Variants in FAT3 observed in about 807,000 individuals in gnomAD.
FAT3 encodes the protein protocadherin Fat 3.
Under a neutral mutation model 310.2 loss-of-function variants are expected in FAT3, and 95 were observed. That is an observed-to-expected ratio of 0.31 (90% CI 0.26 to 0.36). FAT3 has a LOEUF of 0.36. Ranked by LOEUF, FAT3 falls within the 10% of genes least tolerant of loss-of-function variation. The probability of loss-of-function intolerance (pLI) is 1.00; values close to 1 mark genes in which losing one functional copy is unlikely to be tolerated. For missense variants in FAT3, 5,408 were observed against 5,715.6 expected (o/e 0.95, Z 1.74); for synonymous variants, 2,314 against 2,192.9 (o/e 1.06, Z -1.54).
chr11:92,799,589 A>G lies in FAT3; in HGVS notation c.6576A>G (p.Thr2192=), dbSNP rs1380986661. 6.2e-7 allele frequency: 1 copy of G among 1,613,744 alleles called. No individual in the cohort carries two copies. Among genetic ancestry groups the G allele is most frequent in the East Asian group, 2.2e-5 (1 of 44,870 alleles). ...CTGTGTTTGATAAGCCCTTTTATAC[A>G]GCATCTGTCAATGAAGACATCAGAA... ...AMPVFDKPFY[T]ASVNEDIRMN... Residue 2192 remains threonine (T), a synonymous_variant, in exon 10 of 28, where the codon ACA becomes ACG. Transcript: ENST00000525166.
chr11:92,696,080 G>A (rs1943930554), intron 3 of FAT3, among the ~76,000 whole-genome samples: 1 of 151,636 alleles, frequency 6.6e-6, no homozygotes, highest in Non-Finnish European at 1.5e-5. Flanking sequence ...CACATGGTAT[G>A]CTTGAATCAT....
intron 3 of FAT3, among the ~76,000 whole-genome samples, chr11:92,551,422 G>T (rs1954816637): frequency 6.9e-6 from 1 of 144,816 alleles, no homozygotes; most frequent in South Asian, 2.3e-4. Flanking sequence ...TTTTGTGTGT[G>T]TGTGTGTGTG....
chr11:92,729,065 A>C (rs1332985667), intron 4 of FAT3, among the ~76,000 whole-genome samples: 1 of 152,208 alleles, frequency 6.6e-6, no homozygotes, highest in African/African-American at 2.4e-5. Flanking sequence ...ATCACAATTC[A>C]CAGAAAGGGG....
At position 92,353,671 on chromosome 11, in the gene FAT3, TC is replaced by T; in HGVS notation, c.1560del (p.Ile521LeufsTer44). 6.2e-7 allele frequency: 1 copy of T among 1,613,954 alleles called. No individual in the cohort carries two copies. The highest frequency in any genetic ancestry group is 8.5e-7 in the Non-Finnish European group (1 of 1,179,874). On this transcript the variant is annotated frameshift_variant, in exon 2 of 28. Coordinates refer to ENST00000525166, the MANE Select transcript of FAT3 (RefSeq NM_001367949.2). LOFTEE classifies it high-confidence loss of function. ...SIASLNLLPF[V>X]INQFTGVIST... ...GCTAGCCTGAATTTGTTACCATTTG[TC>T]ATTAATCAGTTTACAGGTGTTATTA...
intron 2 of FAT3, among the ~76,000 whole-genome samples, chr11:92,467,707 A>G (rs1951802050): frequency 6.6e-6 from 1 of 152,138 alleles, no homozygotes; most frequent in African/African-American, 2.4e-5. Flanking sequence ...TTACTTGATG[A>G]TGGGTGTTGC....
chr11:92,280,200 T>C (rs1316940995), intron 1 of FAT3, among the ~76,000 whole-genome samples: 1 of 152,138 alleles, frequency 6.6e-6, no homozygotes, highest in Non-Finnish European at 1.5e-5. Flanking sequence ...TGAGCTGAGG[T>C]ACTTTGACTC....
At chr11:92,279,245 G>A (rs1677741210) in intron 1 of FAT3, among the ~76,000 whole-genome samples, 1 of 152,108 alleles carries the variant, frequency 6.6e-6, no homozygotes, top group African/African-American at 2.4e-5. Flanking sequence ...ATCAACCCCA[G>A]TGTGTGGCTC....
intron 7 of FAT3, among the ~76,000 whole-genome samples, chr11:92,789,505 C>T (rs1480082703): frequency 6.6e-6 from 1 of 152,144 alleles, no homozygotes; most frequent in Non-Finnish European, 1.5e-5. Flanking sequence ...TCTGAGTCCA[C>T]CTCATTGGCT....
chr11:92,411,742 A>G (rs528327942), intron 2 of FAT3, among the ~76,000 whole-genome samples: 5 of 151,830 alleles, frequency 3.3e-5, no homozygotes, highest in Admixed American at 1.3e-4. Flanking sequence ...TCTTACAATG[A>G]AAGATTTATT....
At chr11:92,432,782 C>G (rs564957168) in intron 2 of FAT3, among the ~76,000 whole-genome samples, 1 of 152,282 alleles carries the variant, frequency 6.6e-6, no homozygotes, top group South Asian at 2.1e-4. Flanking sequence ...ATCTGCTGCC[C>G]TCTTCAGAGC....
intron 1 of FAT3, among the ~76,000 whole-genome samples, chr11:92,341,655 G>C (rs922907275): frequency 6.6e-6 from 1 of 152,110 alleles, no homozygotes; most frequent in East Asian, 1.9e-4. Context: ...CCTATTTCCA[G>C]ATAAGCTTCT....
At chr11:92,493,635 AGTGTGT>A (rs1022222009) in intron 2 of FAT3, among the ~76,000 whole-genome samples, 1 of 152,068 alleles carries the variant, frequency 6.6e-6, no homozygotes, top group Non-Finnish European at 1.5e-5. Context: ...TAATACTTAC[AGTGTGT>A]GTCCCCAGCA....
chr11:92,807,399 T>G (rs766254294), intron 12 of FAT3, among the ~76,000 whole-genome samples: 3 of 152,180 alleles, frequency 2.0e-5, no homozygotes, highest in Non-Finnish European at 4.4e-5. Flanking sequence ...TAGGGACATA[T>G]CCAAATATGG....
chr11:92,875,239 C>G lies in FAT3; in HGVS notation c.12128-5492C>G, dbSNP rs914927695. On this transcript the variant is annotated intron_variant, in intron 22 of 27. Coordinates refer to ENST00000525166, the MANE Select transcript of FAT3 (RefSeq NM_001367949.2). Reference sequence around the variant, plus strand: ...TCATTGTGTTAACATAAAACTCCTCCGAATTTAAAGTTCTAAAAGCAAGAC... The same window carrying G: ...TCATTGTGTTAACATAAAACTCCTCGGAATTTAAAGTTCTAAAAGCAAGAC... Among the ~76,000 whole-genome samples, 21 of 147,762 alleles carry G rather than the reference C, an allele frequency of 1.4e-4. 1 individual carries two copies. Among genetic ancestry groups the G allele is most frequent in the African/African-American group, 4.0e-4 (16 of 40,124 alleles).
In FAT3 at chr11:92,892,291, G is replaced by A. The variant is rs7932490; in HGVS notation, c.*1178G>A. ...AATGGACCATGTTGAAAATTCTGCC[G>A]GCGAGCATGGCATACCTTTCAATTT... On this transcript the variant is annotated 3_prime_UTR_variant, in exon 28 of 28. Transcript: ENST00000525166. 42,143 of 152,070 alleles carry A rather than the reference G, an allele frequency of 0.28. 6,323 individuals are homozygous for A. Among genetic ancestry groups the A allele is most frequent in the South Asian group, 0.38 (1,830 of 4,822 alleles). 9.4% of individuals were successfully genotyped at this position (152,070 alleles called of 1,614,324 possible).
intron 3 of FAT3, among the ~76,000 whole-genome samples, chr11:92,586,372 A>G (rs371670606): frequency 2.6e-4 from 40 of 152,088 alleles, no homozygotes; most frequent in African/African-American, 9.6e-4. Context: ...GTCAAAGAGG[A>G]CTGAAGACTG....
chr11:92,357,809 G>T (rs761900099), intron 2 of FAT3, among the ~76,000 whole-genome samples: 1 of 151,832 alleles, frequency 6.6e-6, no homozygotes, highest in Non-Finnish European at 1.5e-5. Flanking sequence ...TCTACCTTGG[G>T]TGTTATTTAG....
rs375201197 is a variant in FAT3, at chr11:92,348,860, C to T, written c.-17-3236C>T. Reference sequence around the variant, plus strand: ...GTGCTTTTTGTTGGGGAATAGGAAACGGAGCATATTAAAGGCATCTGGGCC... The same window carrying T: ...GTGCTTTTTGTTGGGGAATAGGAAATGGAGCATATTAAAGGCATCTGGGCC... On this transcript the variant is annotated intron_variant, in intron 1 of 27. Transcript: ENST00000525166. Among the ~76,000 whole-genome samples, 139 of 152,124 alleles carry T rather than the reference C, an allele frequency of 9.1e-4. 1 individual carries two copies. In the South Asian group the frequency reaches 0.028, roughly 31 times the overall value.
At chr11:92,513,224 A>G (rs931884303) in intron 2 of FAT3, among the ~76,000 whole-genome samples, 7 of 151,394 alleles carry the variant, frequency 4.6e-5, no homozygotes. Flanking sequence ...TCAGACTGAC[A>G]GCAATTACAG....
Sources: allele counts gnomAD v4.1 joint callset (sites outside exome capture counted in the v4.1 genomes callset), GRCh38; gene constraint gnomAD v4.1.1; transcripts MANE v1.5; gene names NCBI Gene and HGNC (gene_info 2026-07-23, HGNC 2026-07-21).